Variants in URI1 observed in about 807,000 individuals in gnomAD.
URI1 encodes URI1 prefoldin like chaperone, also known as unconventional prefoldin RPB5 interactor 1.
A neutral mutation model predicts 60.2 loss-of-function variants in URI1; 39 were observed. That is an observed-to-expected ratio of 0.65 (90% CI 0.50 to 0.85). URI1 has a LOEUF of 0.85. Ranked by LOEUF, URI1 falls within the 40% of genes least tolerant of loss-of-function variation. The pLI, the probability that URI1 is intolerant of heterozygous loss-of-function variation, is 0.00. For synonymous variants in URI1, 251 were observed against 236.8 expected, an observed-to-expected ratio of 1.06 and a Z score of -0.55; for missense variants, 691 against 665.9, an observed-to-expected ratio of 1.04 and a Z score of -0.42.
Position 29,935,825 on chromosome 19 carries a change from C to T in URI1, c.63+12071C>T, listed in dbSNP as rs577650779. 1.5e-3 allele frequency among the ~76,000 whole-genome samples: 232 copies of T among 150,836 alleles called. 1 individual carries two copies. The highest frequency in any genetic ancestry group is 5.4e-3 in the African/African-American group (223 of 40,992). On this transcript the variant is annotated intron_variant, in intron 1 of 10. Transcript: ENST00000360605. ...TTTTTGAGATGGAGTCTCACACTGT[C>T]ATCCAGGCTGGAGTGAAATGGTGCC...
chr19:29,968,723 C>T (rs1490688789), intron 1 of URI1, among the ~76,000 whole-genome samples: 2 of 151,486 alleles, frequency 1.3e-5, no homozygotes, highest in Non-Finnish European at 2.9e-5. Context: ...AGGCACCTGC[C>T]ACCATGCCCG....
intron 1 of URI1, among the ~76,000 whole-genome samples, chr19:29,964,080 C>G (rs1024040695): frequency 1.3e-5 from 2 of 152,084 alleles, no homozygotes; most frequent in Non-Finnish European, 2.9e-5. Context: ...CTGCTTGTTT[C>G]TTTCTGCTAG....
chr19:29,953,610 T>C (rs527689086), intron 1 of URI1, among the ~76,000 whole-genome samples: 1 of 152,308 alleles, frequency 6.6e-6, no homozygotes, highest in African/African-American at 2.4e-5. Flanking sequence ...CAGTAGACAA[T>C]GGAAGGATGA....
intron 1 of URI1, chr19:29,956,764 A>G: frequency 6.3e-7 from 1 of 1,594,396 alleles, no homozygotes; most frequent in Non-Finnish European, 8.6e-7. Context: ...TCTGTACATG[A>G]CTACAAATAG....
chr19:29,964,288 C>G (rs1281945335), intron 1 of URI1, among the ~76,000 whole-genome samples: 1 of 152,094 alleles, frequency 6.6e-6, no homozygotes, highest in Non-Finnish European at 1.5e-5. Flanking sequence ...ATTTATCTGT[C>G]TGTCTCTTCT....
intron 8 of URI1, among the ~76,000 whole-genome samples, chr19:30,009,754 A>G (rs1350916021): frequency 6.6e-6 from 1 of 152,224 alleles, no homozygotes; most frequent in Non-Finnish European, 1.5e-5. Context: ...TTCTATGGAC[A>G]TAAAATGAAT....
chr19:29,972,750 T>C (rs937035863), intron 2 of URI1, among the ~76,000 whole-genome samples: 4 of 152,060 alleles, frequency 2.6e-5, no homozygotes, highest in Admixed American at 6.5e-5. Context: ...TTACAAATAC[T>C]CTAGTAGTGC....
At chr19:29,944,139 TCATATA>T (rs1371971196) in intron 1 of URI1, among the ~76,000 whole-genome samples, 65 of 30,584 alleles carry the variant, frequency 2.1e-3, no homozygotes, top group African/African-American at 5.7e-3. Context: ...ACCCTGTCAT[TCATATA>T]TATATATATA....
chr19:29,927,560 C>CTTTTTTTTTTTTTTTTTTTTTTTTTTTT (rs3049080), intron 1 of URI1, among the ~76,000 whole-genome samples: 1 of 39,802 alleles, frequency 2.5e-5, no homozygotes, highest in African/African-American at 1.3e-4. Context: ...CTGCACCCGG[C>CTTTTTTTTTTTTTTTTTTTTTTTTTTTT]TTTTTTTTTT....
At chr19:29,988,305 A>G (rs893293680) in intron 4 of URI1, among the ~76,000 whole-genome samples, 1 of 152,226 alleles carries the variant, frequency 6.6e-6, no homozygotes, top group African/African-American at 2.4e-5. Context: ...GGCAGAGGAA[A>G]TATAACCAGT....
At chr19:29,978,490 AT>A (rs1224243574) in intron 2 of URI1, among the ~76,000 whole-genome samples, 1 of 151,292 alleles carries the variant, frequency 6.6e-6, no homozygotes, top group African/African-American at 2.4e-5. Context: ...CTTTTTTTTC[AT>A]TTTCCATTTT....
chr19:29,992,653 A>G (rs1024234879), intron 4 of URI1, among the ~76,000 whole-genome samples: 2 of 152,214 alleles, frequency 1.3e-5, no homozygotes, highest in African/African-American at 4.8e-5. Context: ...GTGAACTTAA[A>G]AGTTTTACTC....
rs2055669942 is a variant in URI1 at position 29,986,374 on chromosome 19, C to G, written c.324C>G (p.Cys108Trp). 2 of 1,609,746 alleles carry G rather than the reference C, an allele frequency of 1.2e-6. No homozygotes were observed. The highest frequency in any genetic ancestry group is 2.2e-5 in the East Asian group (1 of 44,594). The change falls in exon 4 of 11, where the codon TGC (cysteine) becomes TGG (tryptophan). Residue 108 changes from cysteine (C) to tryptophan (W), a missense_variant. By Grantham distance (215) the Cys-to-Trp change is radical. Transcript: ENST00000392271. The stretch of plus-strand genomic sequence containing the variant: ...TGGGGGACAACTGGTTTGCAAAGTG[C>G]TCAGCAAAGCAGGCTGTAGGTTTAG... ...VLLGDNWFAK[C>W]SAKQAVGLVE...
chr19:30,012,186 A>G lies in URI1; in HGVS notation c.1179-99A>G, dbSNP rs2056029350. 5 of 1,390,498 alleles carry G rather than the reference A, an allele frequency of 3.6e-6. No individual in the cohort carries two copies. In the Admixed American group the frequency reaches 1.0e-4, roughly 28 times the overall value. 86.1% of individuals were successfully genotyped at this position (1,390,498 alleles called of 1,614,324 possible). A position where few individuals can be genotyped will look rare whatever the true frequency, so the allele number is the denominator to read the frequency against. On this transcript the variant is annotated intron_variant, in intron 9 of 10. Coordinates refer to ENST00000392271, the MANE Select transcript of URI1 (RefSeq NM_003796.3). ...ATATAAGATTGTAATAAAAATTTTC[A>G]GATTAATTTCTAGAATAGATTCAAG...
intron 1 of URI1, among the ~76,000 whole-genome samples, chr19:29,929,361 T>G (rs2054896549): frequency 6.6e-6 from 1 of 152,024 alleles, no homozygotes; most frequent in Admixed American, 6.6e-5. Flanking sequence ...CTTTGGGAGA[T>G]TGAGGTGGGC....
intron 2 of URI1, among the ~76,000 whole-genome samples, chr19:29,982,136 C>T (rs1044427794): frequency 1.9e-4 from 29 of 152,190 alleles, no homozygotes; most frequent in African/African-American, 7.0e-4. Flanking sequence ...CTTGACTCCT[C>T]CTGGCCTCCC....
chr19:29,984,677 A>C (rs1224225702), intron 2 of URI1, among the ~76,000 whole-genome samples: 1 of 152,184 alleles, frequency 6.6e-6, no homozygotes, highest in South Asian at 2.1e-4. Context: ...CAGGATTTTA[A>C]AACTAAAAAT....
chr19:29,994,408 A>T (rs1481387111), intron 4 of URI1, among the ~76,000 whole-genome samples: 1 of 151,780 alleles, frequency 6.6e-6, no homozygotes, highest in African/African-American at 2.4e-5. Flanking sequence ...TGTACCAGTT[A>T]GGTGATAACT....
intron 4 of URI1, among the ~76,000 whole-genome samples, chr19:29,997,770 T>A (rs2055830608): frequency 6.6e-6 from 1 of 152,194 alleles, no homozygotes; most frequent in Non-Finnish European, 1.5e-5. Context: ...GTATTTTCTC[T>A]TTTCTTTTGA....
Sources: gnomAD v4.1 joint callset for allele counts (sites outside exome capture counted in the v4.1 genomes callset) on GRCh38, gnomAD v4.1.1 for gene constraint, MANE v1.5 for transcripts, NCBI Gene and HGNC (gene_info 2026-07-23, HGNC 2026-07-21) for gene names.